The following DLG2 variants were observed in gnomAD, a reference collection of about 807,000 sequenced individuals.
The protein encoded by DLG2 is disks large homolog 2.
DLG2 carries 45 observed loss-of-function variants against 132.5 expected under a neutral mutation model. The ratio of observed to expected loss-of-function variants is 0.34; its 90% CI spans 0.27 to 0.44. The LOEUF (loss-of-function observed/expected upper bound fraction) is 0.44. DLG2 is among the 20% of genes least tolerant of loss of function. The pLI is 1.00. For synonymous variants in DLG2, 424 were observed against 419.6 expected (o/e 1.01, Z -0.13); for missense variants, 1,045 against 1,196.9 (o/e 0.87, Z 1.87).
chr11:84,612,055 T>A (rs1411367640), intron 6 of DLG2, among the ~76,000 whole-genome samples: 1 of 152,124 alleles, frequency 6.6e-6, no homozygotes, highest in Non-Finnish European at 1.5e-5. Context: ...AATGAACATA[T>A]CCATTGCTCT....
chr11:84,101,055 T>A (rs1364734361), intron 9 of DLG2, among the ~76,000 whole-genome samples: 1 of 152,290 alleles, frequency 6.6e-6, no homozygotes, highest in South Asian at 2.1e-4. Context: ...TTAGCACTCA[T>A]ATAATCATGA....
chr11:85,064,535 T>C (rs2154161530), intron 6 of DLG2, among the ~76,000 whole-genome samples: 1 of 151,890 alleles, frequency 6.6e-6, no homozygotes, highest in South Asian at 2.1e-4. Context: ...TTTTATCTCC[T>C]AATTATACAT....
At chr11:84,611,948 T>C (rs1462875445) in intron 6 of DLG2, among the ~76,000 whole-genome samples, 1 of 152,150 alleles carries the variant, frequency 6.6e-6, no homozygotes, top group Admixed American at 6.5e-5. Flanking sequence ...TACAACTATT[T>C]TGAAGTATAA....
chr11:83,884,362 A>G (rs1270848796), intron 15 of DLG2, among the ~76,000 whole-genome samples: 2 of 152,180 alleles, frequency 1.3e-5, no homozygotes, highest in African/African-American at 4.8e-5. Flanking sequence ...GTCTGAGATT[A>G]AACTGTAAGG....
At chr11:85,067,415 T>C (rs563667109) in intron 6 of DLG2, among the ~76,000 whole-genome samples, 3 of 152,058 alleles carry the variant, frequency 2.0e-5, no homozygotes, top group East Asian at 1.9e-4. Flanking sequence ...CTTGCTTCTC[T>C]AGTTCTTTTA....
intron 6 of DLG2, among the ~76,000 whole-genome samples, chr11:84,881,129 G>T (rs939287566): frequency 2.6e-5 from 4 of 152,058 alleles, no homozygotes; most frequent in Non-Finnish European, 5.9e-5. Flanking sequence ...TGGAATAAGT[G>T]GGGGACAACA....
In DLG2 at chr11:85,406,588, T is replaced by TAA. The variant is rs563215503; in HGVS notation, c.41-121225_41-121224dup. Among the ~76,000 whole-genome samples, 72 of 150,988 alleles carry TAA rather than the reference T, an allele frequency of 4.8e-4. 2 individuals carry two copies. The highest frequency in any genetic ancestry group is 1.6e-3 in the African/African-American group (67 of 41,256). ...AGATACGATGACTGGTGAGAGCTGG[T>TAA]AAAAAAAAATGCCGAGAGTCAGAAA... On this transcript the variant is annotated intron_variant, in intron 3 of 27. Coordinates refer to ENST00000376104, the MANE Select transcript of DLG2 (RefSeq NM_001142699.3).
chr11:85,205,165 GATAT>G (rs34558284), intron 4 of DLG2, among the ~76,000 whole-genome samples: 2 of 141,756 alleles, frequency 1.4e-5, no homozygotes, highest in African/African-American at 5.2e-5. Flanking sequence ...TATATATATA[GATAT>G]ATATATATAT....
intron 18 of DLG2, among the ~76,000 whole-genome samples, chr11:83,709,257 GTGTA>G (rs2084802637): frequency 6.8e-6 from 1 of 147,498 alleles, no homozygotes; most frequent in Non-Finnish European, 1.5e-5. Context: ...GTGTATATGT[GTGTA>G]TATATGTATG....
intron 6 of DLG2, among the ~76,000 whole-genome samples, chr11:84,980,236 C>T (rs1435684617): frequency 6.6e-6 from 1 of 151,874 alleles, no homozygotes; most frequent in Non-Finnish European, 1.5e-5. Flanking sequence ...ACAGAAGTAC[C>T]TCTCATATGG....
intron 7 of DLG2, among the ~76,000 whole-genome samples, chr11:84,329,220 CAATAT>C (rs1341989519): frequency 1.3e-5 from 2 of 152,138 alleles, no homozygotes; most frequent in East Asian, 3.9e-4. Flanking sequence ...CATTATTTCA[CAATAT>C]AATTATTATT....
At chr11:83,774,813 TC>T (rs906304837) in intron 18 of DLG2, among the ~76,000 whole-genome samples, 6 of 152,096 alleles carry the variant, frequency 3.9e-5, no homozygotes, top group African/African-American at 1.4e-4. Flanking sequence ...TCACTAATCT[TC>T]CAGCAACTCT....
intron 6 of DLG2, among the ~76,000 whole-genome samples, chr11:84,594,961 T>C (rs1169487960): frequency 6.6e-6 from 1 of 152,220 alleles, no homozygotes; most frequent in African/African-American, 2.4e-5. Flanking sequence ...TATCAACTGC[T>C]GCTATGAAAG....
At chr11:83,940,392 A>G (rs2082375305) in intron 14 of DLG2, among the ~76,000 whole-genome samples, 1 of 152,154 alleles carries the variant, frequency 6.6e-6, no homozygotes, top group South Asian at 2.1e-4. Context: ...ATATCTTGAG[A>G]ACTTACTATG....
At chr11:84,015,461 G>A (rs1195789818) in intron 11 of DLG2, among the ~76,000 whole-genome samples, 1 of 152,110 alleles carries the variant, frequency 6.6e-6, no homozygotes, top group East Asian at 1.9e-4. Flanking sequence ...GTGGTTTGCT[G>A]TACAGATCAT....
At chr11:85,076,168 G>A (rs1350982546) in intron 6 of DLG2, among the ~76,000 whole-genome samples, 1 of 151,868 alleles carries the variant, frequency 6.6e-6, no homozygotes, top group Non-Finnish European at 1.5e-5. Context: ...GGTATGTCCT[G>A]GATGTCAAAA....
At chr11:84,400,706 T>C (rs902542362) in intron 7 of DLG2, among the ~76,000 whole-genome samples, 5 of 152,182 alleles carry the variant, frequency 3.3e-5, no homozygotes, top group African/African-American at 1.2e-4. Context: ...TTCAAATTAT[T>C]GGTTTCCATT....
At chr11:85,347,532 CA>C (rs2152871649) in intron 3 of DLG2, among the ~76,000 whole-genome samples, 1 of 152,118 alleles carries the variant, frequency 6.6e-6, no homozygotes, top group East Asian at 1.9e-4. Flanking sequence ...TACTGTATGT[CA>C]AAAAACTGTC....
intron 6 of DLG2, among the ~76,000 whole-genome samples, chr11:85,030,952 T>C (rs1174189607): frequency 6.6e-6 from 1 of 152,032 alleles, no homozygotes; most frequent in African/African-American, 2.4e-5. Flanking sequence ...TTTAAAATCT[T>C]TTAAATTTTA....
Sources: allele counts gnomAD v4.1 joint callset (sites outside exome capture counted in the v4.1 genomes callset), GRCh38; gene constraint gnomAD v4.1.1; transcripts MANE v1.5; gene names NCBI Gene and HGNC (gene_info 2026-07-23, HGNC 2026-07-21).